The following MAGI2 variants were observed in gnomAD, a reference collection of about 807,000 sequenced individuals.
MAGI2 encodes membrane-associated guanylate kinase, WW and PDZ domain-containing protein 2.
MAGI2 carries 35 observed loss-of-function variants against 133.3 expected under a neutral mutation model. The observed-to-expected ratio is 0.26, with a 90% CI of 0.20 to 0.35. The LOEUF is 0.35. MAGI2 is among the 10% of genes least tolerant of loss of function. The probability of loss-of-function intolerance (pLI) is 1.00; values close to 1 mark genes in which losing one functional copy is unlikely to be tolerated. For missense variants in MAGI2, 1,636 were observed against 1,863.4 expected, an observed-to-expected ratio of 0.88 and a Z score of 2.25; for synonymous variants, 729 against 710.6, an observed-to-expected ratio of 1.03 and a Z score of -0.41.
chr7:79,071,069 C>T (rs1432857510), intron 1 of MAGI2, among the ~76,000 whole-genome samples: 1 of 152,192 alleles, frequency 6.6e-6, no homozygotes, highest in Admixed American at 6.5e-5. Context: ...GGTTTCGCCC[C>T]ATCTTCGTGG....
At chr7:79,291,801 T>A (rs559200292) in intron 1 of MAGI2, among the ~76,000 whole-genome samples, 1 of 152,194 alleles carries the variant, frequency 6.6e-6, no homozygotes, top group African/African-American at 2.4e-5. Context: ...GTTTGTTATA[T>A]AGACTATATA....
chr7:79,091,958 G>A (rs186065777), intron 1 of MAGI2, among the ~76,000 whole-genome samples: 2 of 152,074 alleles, frequency 1.3e-5, no homozygotes, highest in Non-Finnish European at 2.9e-5. Flanking sequence ...ACCATAGTTT[G>A]CTGATTCTGT....
chr7:79,030,853 T>G (rs1056539011), intron 1 of MAGI2, among the ~76,000 whole-genome samples: 11 of 152,186 alleles, frequency 7.2e-5, no homozygotes, highest in Admixed American at 5.2e-4. Flanking sequence ...TATACAGCAC[T>G]GAAGGACAAT....
intron 1 of MAGI2, among the ~76,000 whole-genome samples, chr7:79,157,609 C>T (rs1437421258): frequency 6.7e-6 from 1 of 150,032 alleles, no homozygotes; most frequent in Non-Finnish European, 1.5e-5. Flanking sequence ...AAGGCAAGAA[C>T]AAGCAGAATG....
chr7:78,110,826 C>A (rs780106240), intron 20 of MAGI2, among the ~76,000 whole-genome samples: 1 of 152,144 alleles, frequency 6.6e-6, no homozygotes, highest in Non-Finnish European at 1.5e-5. Context: ...ACAATGGTGA[C>A]TGCCAATCAG....
intron 3 of MAGI2, chr7:78,617,984 T>C (rs1363777633): frequency 6.6e-6 from 1 of 152,020 alleles, no homozygotes; most frequent in Admixed American, 6.6e-5. Flanking sequence ...GTCTGCGGTT[T>C]TCTTTTTCAG....
intron 1 of MAGI2, among the ~76,000 whole-genome samples, chr7:79,435,430 A>AT (rs1332301943): frequency 5.3e-5 from 8 of 152,212 alleles, no homozygotes; most frequent in Non-Finnish European, 8.8e-5. Flanking sequence ...TAAGTGCATA[A>AT]TTTATTGGGA....
chr7:79,451,466 T>C (rs746610908), intron 1 of MAGI2, among the ~76,000 whole-genome samples: 3 of 152,188 alleles, frequency 2.0e-5, no homozygotes, highest in Admixed American at 6.5e-5. Context: ...GTTACTCTAT[T>C]TTCCTTCCTA....
intron 9 of MAGI2, among the ~76,000 whole-genome samples, chr7:78,290,173 T>A (rs139161338): frequency 0.012 from 1,852 of 151,942 alleles, 26 homozygotes; most frequent in Non-Finnish European, 0.018. Context: ...GGATAAAGAG[T>A]CAAGACCCAT....
chr7:79,297,989 C>G (rs1837077189), intron 1 of MAGI2, among the ~76,000 whole-genome samples: 1 of 152,172 alleles, frequency 6.6e-6, no homozygotes, highest in Non-Finnish European at 1.5e-5. Context: ...ACCTTTTTGT[C>G]TCTTTGTAAG....
At position 78,376,843 on chromosome 7, in the gene MAGI2, C is replaced by T. The variant is rs1489437113; in HGVS notation, c.1046-7630G>A. Among the ~76,000 whole-genome samples the T allele has an allele frequency of 2.6e-5, 4 of 152,030 alleles. No individual in the cohort carries two copies. In the East Asian group the frequency reaches 7.7e-4, roughly 29 times the overall value. On this transcript the variant is annotated intron_variant, in intron 6 of 21. Coordinates refer to ENST00000354212, the MANE Select transcript of MAGI2 (RefSeq NM_012301.4). Reference sequence around the variant, plus strand: ...TGTCTGGTAAAGACTTAGCAAGAGTCGTCCTTGGTTTAAGTTTGCAAGCGG... The same window carrying T: ...TGTCTGGTAAAGACTTAGCAAGAGTTGTCCTTGGTTTAAGTTTGCAAGCGG...
At chr7:78,363,700 A>G (rs1310130550) in intron 7 of MAGI2, among the ~76,000 whole-genome samples, 2 of 152,018 alleles carry the variant, frequency 1.3e-5, no homozygotes, top group Non-Finnish European at 2.9e-5. Flanking sequence ...CTTTCTACAT[A>G]TTATTGGTAT....
At chr7:79,426,402 T>C (rs1358449098) in intron 1 of MAGI2, among the ~76,000 whole-genome samples, 3 of 152,104 alleles carry the variant, frequency 2.0e-5, no homozygotes, top group Admixed American at 1.3e-4. Context: ...TACAGACATA[T>C]AAAAAATTGT....
At chr7:79,197,367 A>C (rs763127302) in intron 1 of MAGI2, among the ~76,000 whole-genome samples, 5 of 152,084 alleles carry the variant, frequency 3.3e-5, no homozygotes, top group Non-Finnish European at 7.3e-5. Flanking sequence ...AAAGTGGGCC[A>C]AAGTAATTTC....
intron 1 of MAGI2, among the ~76,000 whole-genome samples, chr7:79,116,816 G>C (rs1250471622): frequency 6.6e-6 from 1 of 152,028 alleles, no homozygotes; most frequent in Non-Finnish European, 1.5e-5. Flanking sequence ...TGCTCCCCCT[G>C]TCACCATATG....
chr7:78,094,345 T>G (rs1326341034), intron 20 of MAGI2, among the ~76,000 whole-genome samples: 1 of 152,236 alleles, frequency 6.6e-6, no homozygotes, highest in African/African-American at 2.4e-5. Context: ...ATTTCTTGCA[T>G]TTTCTAGTAA....
chr7:78,162,597 T>C (rs1328295729), intron 15 of MAGI2, among the ~76,000 whole-genome samples: 2 of 149,732 alleles, frequency 1.3e-5, no homozygotes, highest in Non-Finnish European at 3.0e-5. Flanking sequence ...GGAGTGGCAA[T>C]GTTACAGGTT....
intron 10 of MAGI2, among the ~76,000 whole-genome samples, chr7:78,206,006 A>G (rs1369431176): frequency 6.6e-6 from 1 of 152,206 alleles, no homozygotes; most frequent in African/African-American, 2.4e-5. Flanking sequence ...GATGCAAATT[A>G]GAGTGGCTCT....
intron 3 of MAGI2, among the ~76,000 whole-genome samples, chr7:78,599,791 G>GC (rs1804994345): frequency 6.6e-6 from 1 of 152,170 alleles, no homozygotes; most frequent in Non-Finnish European, 1.5e-5. Flanking sequence ...CTAGGGACGT[G>GC]CCCAGAATGG....
Sources: gnomAD v4.1 joint callset for allele counts (sites outside exome capture counted in the v4.1 genomes callset) on GRCh38, gnomAD v4.1.1 for gene constraint, MANE v1.5 for transcripts, NCBI Gene and HGNC (gene_info 2026-07-23, HGNC 2026-07-21) for gene names.